The following POC1B variants were observed in gnomAD, a reference collection of about 807,000 sequenced individuals.
The protein encoded by POC1B is POC1 centriolar protein B, also known as POC1 centriolar protein homolog B.
A neutral mutation model predicts 60.6 loss-of-function variants in POC1B; 44 were observed. The observed-to-expected ratio is 0.73, with a 90% CI of 0.57 to 0.93. POC1B has a LOEUF of 0.93. Ranked by LOEUF, POC1B falls within the 40% of genes least tolerant of loss-of-function variation. POC1B has a pLI of 0.00. For synonymous variants in POC1B, 180 were observed against 198.9 expected, an observed-to-expected ratio of 0.90 and a Z score of 0.80; for missense variants, 555 against 572.3, an observed-to-expected ratio of 0.97 and a Z score of 0.31.
At chr12:89,411,065 G>T in the POC1B span, among the ~76,000 whole-genome samples, 1 of 152,146 alleles carries the variant, frequency 6.6e-6, no homozygotes, top group Non-Finnish European at 1.5e-5. Context: ...ACTTACAAGG[G>T]ATGTGAAGGA....
the POC1B span, among the ~76,000 whole-genome samples, chr12:89,404,736 A>C: frequency 6.6e-6 from 1 of 152,104 alleles, no homozygotes; most frequent in Non-Finnish European, 1.5e-5. Flanking sequence ...GTATTTTCAC[A>C]TATATCCTTC....
chr12:89,436,755 A>T (rs1162141382), intron 10 of POC1B, among the ~76,000 whole-genome samples: 1 of 152,090 alleles, frequency 6.6e-6, no homozygotes, highest in East Asian at 1.9e-4. Flanking sequence ...AACAAAAAAA[A>T]CAAGCATTCT....
intron 4 of POC1B, among the ~76,000 whole-genome samples, chr12:89,483,809 G>GT (rs1426819620): frequency 3.3e-5 from 5 of 151,966 alleles, no homozygotes; most frequent in Non-Finnish European, 7.4e-5. Context: ...ACAAGAAATG[G>GT]TAAGTGCAGT....
At chr12:89,483,902 G>C (rs1868489005) in intron 4 of POC1B, among the ~76,000 whole-genome samples, 1 of 152,128 alleles carries the variant, frequency 6.6e-6, no homozygotes, top group South Asian at 2.1e-4. Flanking sequence ...AGCAAATATG[G>C]GGGTAAATAT....
In POC1B at chr12:89,470,462, G is replaced by A. The variant is rs1882847268; in HGVS notation, c.709C>T (p.His237Tyr). 6.2e-7 allele frequency: 1 copy of A among 1,607,622 alleles called. No homozygotes were observed. Among genetic ancestry groups the A allele is most frequent in the Non-Finnish European group, 8.5e-7 (1 of 1,175,298 alleles). Residue 237 changes from histidine to tyrosine, a missense_variant, in exon 7 of 12, where the codon CAT (histidine) becomes TAT (tyrosine). Coordinates refer to ENST00000313546, the MANE Select transcript of POC1B (RefSeq NM_172240.3). ...GTGATGAGATAGTTACCCGAAGGAT[G>A]GAATGATATGCAATTAACTCCACCG... The part of the protein sequence containing the change: ...HSGGVNCISF[H>Y]PSGNYLITAS...
intron 10 of POC1B, among the ~76,000 whole-genome samples, chr12:89,453,438 T>G (rs1433441142): frequency 4.6e-5 from 7 of 152,088 alleles, no homozygotes; most frequent in Non-Finnish European, 1.0e-4. Context: ...TTTCATACCC[T>G]TAGAGCAGGG....
chr12:89,466,507 G>C (rs1456856215), intron 9 of POC1B, among the ~76,000 whole-genome samples: 1 of 152,074 alleles, frequency 6.6e-6, no homozygotes, highest in Non-Finnish European at 1.5e-5. Context: ...AGCTAGTTTA[G>C]ACTTCACAGT....
chr12:89,488,123 C>A (rs1056377748), intron 4 of POC1B, among the ~76,000 whole-genome samples: 1 of 151,508 alleles, frequency 6.6e-6, no homozygotes, highest in Non-Finnish European at 1.5e-5. Flanking sequence ...ATTACGATTA[C>A]CCTTTGATAA....
At chr12:89,478,077 ACATTCATTCATTCATTCATTCATT>A (rs3990284) in intron 4 of POC1B, among the ~76,000 whole-genome samples, 2 of 149,032 alleles carry the variant, frequency 1.3e-5, no homozygotes, top group East Asian at 4.0e-4. Context: ...GCCCACAACC[ACATTCATTCATTCATTCATTCATT>A]CATTCATTCA....
At chr12:89,457,570 A>C (rs1277839200) in intron 10 of POC1B, among the ~76,000 whole-genome samples, 2 of 152,180 alleles carry the variant, frequency 1.3e-5, no homozygotes, top group African/African-American at 4.8e-5. Context: ...CATAATCTCA[A>C]ACCAATTTAT....
chr12:89,519,863 C>A (rs1870703179), intron 2 of POC1B: 1 of 152,198 alleles, frequency 6.6e-6, no homozygotes, highest in African/African-American at 2.4e-5. Context: ...AAGTTGGACA[C>A]TAAATGACAT....
At chr12:89,473,142 C>T (rs1341419048) in intron 4 of POC1B, among the ~76,000 whole-genome samples, 1 of 152,110 alleles carries the variant, frequency 6.6e-6, no homozygotes, top group Admixed American at 6.5e-5. Context: ...AGATTTGGGT[C>T]ACAGACTATA....
At chr12:89,414,582 T>C in the POC1B span, among the ~76,000 whole-genome samples, 1 of 152,238 alleles carries the variant, frequency 6.6e-6, no homozygotes. Flanking sequence ...CTCTGGTGCA[T>C]GAAGTCTAAA....
downstream of POC1B, among the ~76,000 whole-genome samples, chr12:89,419,190 G>A (rs2120621006): frequency 6.6e-6 from 1 of 152,038 alleles, no homozygotes; most frequent in South Asian, 2.1e-4. Flanking sequence ...CAGAAAAATT[G>A]GTTTTGGACC....
the POC1B span, among the ~76,000 whole-genome samples, chr12:89,405,180 TA>T: frequency 6.6e-6 from 1 of 152,034 alleles, no homozygotes; most frequent in Non-Finnish European, 1.5e-5. Flanking sequence ...CTAACATGGT[TA>T]AAAAAAATGA....
intron 2 of POC1B, chr12:89,500,845 G>A (rs1415451757): frequency 4.8e-6 from 5 of 1,048,176 alleles, no homozygotes; most frequent in African/African-American, 3.2e-5. Context: ...AATAGAATAC[G>A]ACATTCAGAA....
In POC1B at chr12:89,471,654, G is replaced by T. The variant is rs371667910; in HGVS notation, c.636C>A (p.Val212=). The part of the protein sequence containing the change: ...ASAGSDQTVK[V]WDVRVNKLLQ... ...GTAATTTGTTCACTCTTACATCCCA[G>T]ACTTTCACAGTTTGATCAGAACCTG... Residue 212 remains valine (V), a synonymous_variant, in exon 6 of 12, where the codon GTC becomes GTA. Coordinates refer to ENST00000313546, the MANE Select transcript of POC1B (RefSeq NM_172240.3). The T allele has an allele frequency of 9.3e-6, 15 of 1,611,536 alleles. No homozygotes were observed. The East Asian group carries it at 1.6e-4, about 17-fold the overall frequency.
intron 4 of POC1B, among the ~76,000 whole-genome samples, chr12:89,488,644 G>A (rs1356432630): frequency 6.6e-6 from 1 of 151,922 alleles, no homozygotes; most frequent in African/African-American, 2.4e-5. Context: ...CTGCCACCAC[G>A]CCCAGCTAAT....
the POC1B span, among the ~76,000 whole-genome samples, chr12:89,408,516 C>T: frequency 2.7e-5 from 4 of 146,520 alleles, no homozygotes; most frequent in Non-Finnish European, 4.5e-5. Flanking sequence ...GACGGAGTCT[C>T]GCTCTGTCAC....
Sources: gnomAD v4.1 joint callset for allele counts (sites outside exome capture counted in the v4.1 genomes callset) on GRCh38, gnomAD v4.1.1 for gene constraint, MANE v1.5 for transcripts, NCBI Gene and HGNC (gene_info 2026-07-23, HGNC 2026-07-21) for gene names.